Variants in CASZ1 observed in about 807,000 individuals in gnomAD.
CASZ1 encodes the protein zinc finger protein castor homolog 1.
Under a neutral mutation model 135.2 loss-of-function variants are expected in CASZ1, and 28 were observed. The ratio of observed to expected loss-of-function variants is 0.21; its 90% CI spans 0.15 to 0.28. CASZ1 has a LOEUF of 0.28. CASZ1 is among the 10% of genes least tolerant of loss of function. The pLI is 1.00. For missense variants in CASZ1, 2,161 were observed against 2,453.3 expected (o/e 0.88, Z 2.52); for synonymous variants, 1,068 against 1,073.4 (o/e 0.99, Z 0.10).
intron 1 of CASZ1, among the ~76,000 whole-genome samples, chr1:10,769,573 G>A (rs1640537254): frequency 6.6e-6 from 1 of 152,150 alleles, no homozygotes; most frequent in African/African-American, 2.4e-5. Flanking sequence ...CTGGAGTGCA[G>A]TGGGGTGATC....
In CASZ1 at chr1:10,694,265, C is replaced by T. The variant is rs774716002; in HGVS notation, c.-23-353G>A. On this transcript the variant is annotated intron_variant, in intron 3 of 20. Transcript: ENST00000377022. This position sits in a 1 kb window ranked among gnomAD's most constrained non-coding sequence, Gnocchi z 6.6. ...GGGTCGCCGCCCGAGACCGCGGCCCCCGGGCCTCCCCCGCCCGCGCCCGGT... is the reference window on the plus strand; with the variant it reads ...GGGTCGCCGCCCGAGACCGCGGCCCTCGGGCCTCCCCCGCCCGCGCCCGGT... The T allele has an allele frequency of 6.9e-6, 7 of 1,017,902 alleles. No individual in the cohort carries two copies. In the South Asian group the frequency reaches 1.6e-4, roughly 23 times the overall value. The allele number at this position is 1,017,902 out of a possible 1,614,324, so 63.1% of individuals were successfully genotyped here.
Position 10,636,705 on chromosome 1 carries a change from A to C in CASZ1, c.*2237T>G, listed in dbSNP as rs1642006843. On this transcript the variant is annotated 3_prime_UTR_variant, in exon 21 of 21. Coordinates refer to ENST00000377022, the MANE Select transcript of CASZ1 (RefSeq NM_001079843.3). ...AATAAAACACATATATTAAATTTCTAATAGCACTAAATTCAAGTGGAAAAA... is the reference window on the plus strand; with the variant it reads ...AATAAAACACATATATTAAATTTCTCATAGCACTAAATTCAAGTGGAAAAA... The C allele has an allele frequency of 6.6e-6, 1 of 152,228 alleles. No individual in the cohort carries two copies. The highest frequency in any genetic ancestry group is 6.6e-5 in the Admixed American group (1 of 15,260). The allele number at this position is 152,228 out of a possible 1,614,324, so 9.4% of individuals were successfully genotyped here. A position where few individuals can be genotyped will look rare whatever the true frequency, so the allele number is the denominator to read the frequency against.
chr1:10,769,672 A>G (rs1490930761), intron 1 of CASZ1, among the ~76,000 whole-genome samples: 3 of 152,046 alleles, frequency 2.0e-5, no homozygotes, highest in Non-Finnish European at 4.4e-5. Context: ...GCGCACCACC[A>G]CACCCGGCTA....
At chr1:10,796,185 C>A (rs1225282697) in intron 1 of CASZ1, among the ~76,000 whole-genome samples, 1 of 152,108 alleles carries the variant, frequency 6.6e-6, no homozygotes, top group East Asian at 1.9e-4. Flanking sequence ...TCGCGCCTGG[C>A]ACCTCCCTCT....
At chr1:10,781,284 G>A (rs1640758448) in intron 1 of CASZ1, among the ~76,000 whole-genome samples, 1 of 152,240 alleles carries the variant, frequency 6.6e-6, no homozygotes, top group Non-Finnish European at 1.5e-5. Context: ...CATGCAGGGA[G>A]ATCCCTGGGT....
intron 1 of CASZ1, among the ~76,000 whole-genome samples, chr1:10,791,634 T>C (rs1640956735): frequency 6.6e-6 from 1 of 152,130 alleles, no homozygotes; most frequent in South Asian, 2.1e-4. Context: ...ACTTCAGCCT[T>C]GAAAAGAAAT....
At chr1:10,736,339 C>T (rs913321992) in intron 2 of CASZ1, among the ~76,000 whole-genome samples, 2 of 152,224 alleles carry the variant, frequency 1.3e-5, no homozygotes, top group Non-Finnish European at 2.9e-5. Flanking sequence ...ACAAAGGGAT[C>T]AGCAGGCAAC....
chr1:10,667,481 C>T (rs1294256654), intron 4 of CASZ1, among the ~76,000 whole-genome samples: 4 of 152,216 alleles, frequency 2.6e-5, no homozygotes, highest in Non-Finnish European at 4.4e-5. Flanking sequence ...ACCCCAAGCA[C>T]GATGCGGGGC....
chr1:10,784,403 C>T (rs760529279), intron 1 of CASZ1, among the ~76,000 whole-genome samples: 34 of 152,194 alleles, frequency 2.2e-4, no homozygotes, highest in Non-Finnish European at 3.8e-4. Context: ...TCCAGCCGTA[C>T]GTGGCTGTGG....
intron 1 of CASZ1, among the ~76,000 whole-genome samples, chr1:10,775,893 C>T (rs1186485397): frequency 2.0e-5 from 3 of 152,146 alleles, no homozygotes; most frequent in Non-Finnish European, 2.9e-5. Flanking sequence ...ACCAGCACCC[C>T]GTCCCACCCA....
At position 10,653,951 on chromosome 1, in the gene CASZ1, C is replaced by T. The variant is rs148111750; in HGVS notation, c.2106G>A (p.Ala702=). 159 of 1,613,544 alleles carry T rather than the reference C, an allele frequency of 9.9e-5. No homozygotes were observed. Among genetic ancestry groups the T allele is most frequent in the Non-Finnish European group, 1.3e-4 (154 of 1,179,776 alleles). ...CCAGCAGCGAGGGCGGCAGCCCCAGCGCGCCCGAGGAGCGGATGTGCCGGC... is the reference window on the plus strand; with the variant it reads ...CCAGCAGCGAGGGCGGCAGCCCCAGTGCGCCCGAGGAGCGGATGTGCCGGC... ...HERRHIRSSG[A]LGLPPSLLGA... is the part of the protein sequence containing the mutation. Residue 702 remains alanine, a synonymous_variant, in exon 11 of 21, where the codon GCG becomes GCA. Coordinates refer to ENST00000377022, the MANE Select transcript of CASZ1 (RefSeq NM_001079843.3).
intron 1 of CASZ1, among the ~76,000 whole-genome samples, chr1:10,775,959 T>C (rs1343260602): frequency 6.6e-6 from 1 of 152,196 alleles, no homozygotes; most frequent in African/African-American, 2.4e-5. Flanking sequence ...CTGTCTGCTT[T>C]CTGCCCTGAG....
Position 10,778,402 on chromosome 1 carries a change from A to G in CASZ1, c.-233-17545T>C, listed in dbSNP as rs78324593. On this transcript the variant is annotated intron_variant, in intron 1 of 20. Transcript: ENST00000377022. ...TACATGATCACTCATACAATCTCAG[A>G]CACAATCTTACAATCACACACAACC... Among the ~76,000 whole-genome samples the G allele has an allele frequency of 2.3e-3, 350 of 152,216 alleles. 1 individual carries two copies. Among genetic ancestry groups the G allele is most frequent in the African/African-American group, 7.9e-3 (330 of 41,534 alleles).
At chr1:10,643,755 G>T (rs1225749518) in intron 18 of CASZ1, among the ~76,000 whole-genome samples, 1 of 152,210 alleles carries the variant, frequency 6.6e-6, no homozygotes, top group Non-Finnish European at 1.5e-5. Context: ...AACAAACAGA[G>T]CAGGCGGGAC....
At chr1:10,732,422 A>G (rs1639718007) in intron 2 of CASZ1, among the ~76,000 whole-genome samples, 1 of 152,142 alleles carries the variant, frequency 6.6e-6, no homozygotes, top group African/African-American at 2.4e-5. Flanking sequence ...ACTGAGACCA[A>G]CAGGTGTGAG....
At chr1:10,736,753 C>G (rs1421802942) in intron 2 of CASZ1, among the ~76,000 whole-genome samples, 1 of 152,210 alleles carries the variant, frequency 6.6e-6, no homozygotes, top group Non-Finnish European at 1.5e-5. Flanking sequence ...TTGAGGAGTA[C>G]ACGGTCTAGT....
intron 2 of CASZ1, among the ~76,000 whole-genome samples, chr1:10,733,605 C>T (rs1026752595): frequency 3.9e-5 from 6 of 152,196 alleles, no homozygotes; most frequent in Admixed American, 3.9e-4. Flanking sequence ...GGGACGGGCA[C>T]TGAGACTGTA....
intron 13 of CASZ1, chr1:10,650,487 T>C (rs1642532307): frequency 1.9e-6 from 1 of 522,830 alleles, no homozygotes; most frequent in African/African-American, 1.9e-5. Flanking sequence ...GGCTGGAATA[T>C]ATTTCTTCAG....
chr1:10,762,521 TC>T lies in CASZ1; in HGVS notation c.-233-1665del, dbSNP rs2100578031. On this transcript the variant is annotated intron_variant, in intron 1 of 20. Coordinates refer to ENST00000377022, the MANE Select transcript of CASZ1 (RefSeq NM_001079843.3). The surrounding 1 kb of genome is among the most constrained non-coding windows in gnomAD (Gnocchi z 4.1). Reference sequence around the variant, plus strand: ...AACTCCCCTGCCTGTTAGTCCAGAATCCCCCAAAGCCCTGGGCAGCCCGTCC... The same window carrying T: ...AACTCCCCTGCCTGTTAGTCCAGAATCCCCAAAGCCCTGGGCAGCCCGTCC... Among the ~76,000 whole-genome samples the T allele has an allele frequency of 6.6e-6, 1 of 151,992 alleles. No individual in the cohort carries two copies. The highest frequency in any genetic ancestry group is 1.9e-4 in the East Asian group (1 of 5,170).
Sources: gnomAD v4.1 joint callset for allele counts (sites outside exome capture counted in the v4.1 genomes callset) on GRCh38, gnomAD v4.1.1 for gene constraint, Gnocchi (gnomAD v3.1) non-coding constraint, MANE v1.5 for transcripts, NCBI Gene and HGNC (gene_info 2026-07-23, HGNC 2026-07-21) for gene names.